The following CHMP3 variants were observed in gnomAD, a reference collection of about 807,000 sequenced individuals.
CHMP3 encodes the protein charged multivesicular body protein 3.
In CHMP3, 8 loss-of-function variants were observed where a neutral mutation model predicts 27.4. That is an observed-to-expected ratio of 0.29 (90% confidence interval 0.17 to 0.53). The LOEUF is 0.53. Among genes scored for constraint, CHMP3 ranks in the 20% least tolerant of loss-of-function variants. The pLI, the probability that CHMP3 is intolerant of heterozygous loss-of-function variation, is 0.96. For synonymous variants in CHMP3, 86 were observed against 85.5 expected (o/e 1.01, Z -0.03); for missense variants, 208 against 271.5 (o/e 0.77, Z 1.64).
At chr2:86,523,417 T>C (rs1675587751) in intron 3 of CHMP3, among the ~76,000 whole-genome samples, 1 of 152,188 alleles carries the variant, frequency 6.6e-6, no homozygotes, top group Admixed American at 6.5e-5. Flanking sequence ...ATTAAATTTA[T>C]TATTTTTATT....
At chr2:86,547,880 A>C (rs903179087) in intron 1 of CHMP3, among the ~76,000 whole-genome samples, 1 of 152,250 alleles carries the variant, frequency 6.6e-6, no homozygotes, top group Non-Finnish European at 1.5e-5. Flanking sequence ...AACCACAAGG[A>C]ACCTATAGAA....
chr2:86,538,753 T>A (rs1374548121), intron 2 of CHMP3, among the ~76,000 whole-genome samples: 6 of 152,190 alleles, frequency 3.9e-5, no homozygotes, highest in Non-Finnish European at 8.8e-5. Flanking sequence ...TGTGTTACAT[T>A]TGACTGAAAA....
At chr2:86,559,330 G>T (rs1677255370) in intron 1 of CHMP3, among the ~76,000 whole-genome samples, 1 of 152,124 alleles carries the variant, frequency 6.6e-6, no homozygotes, top group Non-Finnish European at 1.5e-5. Flanking sequence ...CTTCAACCCT[G>T]GACTGAGCTA....
chr2:86,555,020 TA>T (rs1471846748), intron 1 of CHMP3, among the ~76,000 whole-genome samples: 2 of 151,986 alleles, frequency 1.3e-5, no homozygotes, highest in African/African-American at 4.8e-5. Context: ...CTAATTTTTG[TA>T]TTTTTTAGTA....
At chr2:86,558,603 G>A (rs1442396867) in intron 1 of CHMP3, among the ~76,000 whole-genome samples, 2 of 152,164 alleles carry the variant, frequency 1.3e-5, no homozygotes, top group African/African-American at 4.8e-5. Context: ...ATGGTACCAT[G>A]TGTGACAACC....
intron 3 of CHMP3, among the ~76,000 whole-genome samples, chr2:86,513,373 G>A (rs529914720): frequency 3.3e-5 from 5 of 152,304 alleles, no homozygotes; most frequent in South Asian, 4.1e-4. Context: ...TGAATAAACA[G>A]CACAGAGAAT....
At chr2:86,515,695 C>T (rs549529254) in intron 3 of CHMP3, among the ~76,000 whole-genome samples, 2 of 152,126 alleles carry the variant, frequency 1.3e-5, no homozygotes, top group Admixed American at 6.5e-5. Flanking sequence ...ACACAGCCAA[C>T]AATCAAATAT....
intron 1 of CHMP3, among the ~76,000 whole-genome samples, chr2:86,551,684 G>A (rs1676912029): frequency 6.6e-6 from 1 of 152,206 alleles, no homozygotes; most frequent in Non-Finnish European, 1.5e-5. Context: ...AAATGATTGG[G>A]TTCATGTAAC....
chr2:86,524,658 G>A (rs896227095), intron 3 of CHMP3, among the ~76,000 whole-genome samples: 2 of 152,064 alleles, frequency 1.3e-5, no homozygotes, highest in African/African-American at 4.8e-5. Flanking sequence ...GTATCTGTGG[G>A]GATCCTGGAA....
chr2:86,548,674 C>G (rs1399856267), intron 1 of CHMP3, among the ~76,000 whole-genome samples: 1 of 152,230 alleles, frequency 6.6e-6, no homozygotes, highest in African/African-American at 2.4e-5. Context: ...CCATCGTCAT[C>G]ATGGCCTGTT....
intron 2 of CHMP3, among the ~76,000 whole-genome samples, chr2:86,537,509 G>A (rs1286850793): frequency 6.6e-6 from 1 of 152,092 alleles, no homozygotes; most frequent in East Asian, 1.9e-4. Flanking sequence ...GCTTTGAGTA[G>A]GCCATATTTT....
intron 1 of CHMP3, among the ~76,000 whole-genome samples, chr2:86,554,816 C>CGTGTGTGTGTGTGT (rs70956121): frequency 1.4e-5 from 2 of 145,384 alleles, no homozygotes; most frequent in Non-Finnish European, 3.0e-5. Context: ...TGTGTGCGCG[C>CGTGTGTGTGTGTGT]GTGTGTGTGT....
chr2:86,549,037 G>A (rs1303128975), intron 1 of CHMP3, among the ~76,000 whole-genome samples: 3 of 149,626 alleles, frequency 2.0e-5, no homozygotes, highest in African/African-American at 7.4e-5. Context: ...CCCAGATGAA[G>A]GGCAGCCGGG....
intron 3 of CHMP3, chr2:86,527,187 T>C (rs959011004): frequency 6.6e-6 from 1 of 151,472 alleles, no homozygotes; most frequent in African/African-American, 2.4e-5. Flanking sequence ...AGGCAGTGGA[T>C]CACTTGAGCT....
chr2:86,521,582 A>C (rs1177249225), intron 3 of CHMP3, among the ~76,000 whole-genome samples: 1 of 152,134 alleles, frequency 6.6e-6, no homozygotes, highest in South Asian at 2.1e-4. Flanking sequence ...CCATCACTCA[A>C]TCAATCCCCA....
chr2:86,557,864 G>A (rs1677187159), intron 1 of CHMP3, among the ~76,000 whole-genome samples: 1 of 152,108 alleles, frequency 6.6e-6, no homozygotes, highest in Non-Finnish European at 1.5e-5. Context: ...TTATTTACAT[G>A]TCAGTCTCCT....
chr2:86,542,364 C>G lies in CHMP3; in HGVS notation c.46-52G>C, dbSNP rs192520467. On this transcript the variant is annotated intron_variant, in intron 1 of 5. Transcript: ENST00000263856. The stretch of plus-strand genomic sequence containing the variant: ...AGGAGAAAAGCCGAAACTCCTAACT[C>G]AATCTAATTTAAGAATTTTGTATTA... The G allele has an allele frequency of 2.6e-6, 4 of 1,533,090 alleles. No homozygotes were observed. The African/African-American group carries it at 5.5e-5, about 21-fold the overall frequency. The allele number at this position is 1,533,090 out of a possible 1,614,324, so 95.0% of individuals were successfully genotyped here. A position where few individuals can be genotyped will look rare whatever the true frequency, so the allele number is the denominator to read the frequency against.
At chr2:86,552,529 T>G (rs1014403599) in intron 1 of CHMP3, among the ~76,000 whole-genome samples, 5 of 152,226 alleles carry the variant, frequency 3.3e-5, no homozygotes, top group Non-Finnish European at 7.3e-5. Context: ...AGTGAAGGAT[T>G]ACTGAAGAGC....
intron 1 of CHMP3, among the ~76,000 whole-genome samples, chr2:86,551,539 G>C (rs545823320): frequency 1.3e-5 from 2 of 152,098 alleles, no homozygotes; most frequent in African/African-American, 4.8e-5. Context: ...TTACAGGTGT[G>C]AGCCACCATG....
Sources: gnomAD v4.1 joint callset for allele counts (sites outside exome capture counted in the v4.1 genomes callset) on GRCh38, gnomAD v4.1.1 for gene constraint, MANE v1.5 for transcripts, NCBI Gene and HGNC (gene_info 2026-07-23, HGNC 2026-07-21) for gene names.